CREB5: variants seen among roughly 807,000 people sequenced by gnomAD.
CREB5 encodes cyclic AMP-responsive element-binding protein 5.
Under a neutral mutation model 57.1 loss-of-function variants are expected in CREB5, and 19 were observed. The observed-to-expected ratio is 0.33, with a 90% CI of 0.23 to 0.49. The LOEUF (loss-of-function observed/expected upper bound fraction) is 0.49, where lower values mean the gene tolerates loss of function less well. Among genes scored for constraint, CREB5 ranks in the 20% least tolerant of loss-of-function variants. The pLI, the probability that CREB5 is intolerant of heterozygous loss-of-function variation, is 0.99. For synonymous variants in CREB5, 238 were observed against 238.3 expected (o/e 1.00, Z 0.01); for missense variants, 579 against 671.6 (o/e 0.86, Z 1.52).
At chr7:28,445,517 G>A (rs540470684) in intron 1 of CREB5, among the ~76,000 whole-genome samples, 1 of 151,422 alleles carries the variant, frequency 6.6e-6, no homozygotes, top group African/African-American at 2.4e-5. Context: ...ACTGAAGAGT[G>A]AAAGTGGGTC....
chr7:28,368,669 CA>C (rs1206913005), intron 1 of CREB5, among the ~76,000 whole-genome samples: 10 of 152,198 alleles, frequency 6.6e-5, no homozygotes, highest in African/African-American at 2.2e-4. Flanking sequence ...CCTCAGCTCA[CA>C]TAACATCCCC....
rs528314163 is a variant in CREB5, at chr7:28,375,534, G to A, written c.-25+76093G>A. Among the ~76,000 whole-genome samples the A allele has an allele frequency of 1.1e-4, 17 of 151,966 alleles. No individual in the cohort carries two copies. In the South Asian group the frequency reaches 3.5e-3, roughly 32 times the overall value. On this transcript the variant is annotated intron_variant, in intron 1 of 9. Coordinates refer to the CREB5 transcript ENST00000396299. ...TCATTGGATTGCTTGTAACACAAAG[G>A]ATAAATGCTTGAGGGGATGGGTACC...
chr7:28,720,126 A>G (rs1802943931), intron 6 of CREB5, among the ~76,000 whole-genome samples: 1 of 152,182 alleles, frequency 6.6e-6, no homozygotes, highest in South Asian at 2.1e-4. Context: ...TCCAGAAGAA[A>G]TATTTCTTTC....
At chr7:28,592,642 T>G (rs1235812280) in intron 5 of CREB5, among the ~76,000 whole-genome samples, 1 of 152,144 alleles carries the variant, frequency 6.6e-6, no homozygotes, top group African/African-American at 2.4e-5. Context: ...CAAACATGCA[T>G]GGATCAGTTA....
intron 7 of CREB5, among the ~76,000 whole-genome samples, chr7:28,750,592 G>A (rs570235285): frequency 9.0e-6 from 1 of 110,642 alleles, no homozygotes; most frequent in Non-Finnish European, 2.0e-5. Context: ...AGCTTAATAC[G>A]AAATATATCA....
chr7:28,434,429 G>C (rs1788858091), intron 1 of CREB5, among the ~76,000 whole-genome samples: 2 of 151,950 alleles, frequency 1.3e-5, no homozygotes, highest in South Asian at 4.1e-4. Context: ...TATCTTAGCA[G>C]CTTCTTTATA....
intron 4 of CREB5, among the ~76,000 whole-genome samples, chr7:28,508,548 C>T (rs750709192): frequency 2.6e-5 from 4 of 152,124 alleles, no homozygotes; most frequent in Admixed American, 1.3e-4. Flanking sequence ...CTGTTCCATC[C>T]GGAAAAGAAA....
intron 1 of CREB5, among the ~76,000 whole-genome samples, chr7:28,461,867 T>C (rs1160145670): frequency 6.6e-6 from 1 of 151,916 alleles, no homozygotes; most frequent in Non-Finnish European, 1.5e-5. Flanking sequence ...TGTAGTTTTA[T>C]ATATATATAT....
Position 28,569,560 on chromosome 7 carries a change from T to C in CREB5, c.292-805T>C, listed in dbSNP as rs1040987934. Among the ~76,000 whole-genome samples, 7 of 152,334 alleles carry C rather than the reference T, an allele frequency of 4.6e-5. No homozygotes were observed. The South Asian group carries it at 1.4e-3, about 32-fold the overall frequency. ...TCCTATAAGTGACTCAGACATCTCA[T>C]GTTCTTTCACTGGTTTATTCATGCT... On this transcript the variant is annotated intron_variant, in intron 4 of 10. Transcript: ENST00000357727.
intron 5 of CREB5, among the ~76,000 whole-genome samples, chr7:28,586,344 G>C (rs1019643711): frequency 6.6e-6 from 1 of 152,182 alleles, no homozygotes; most frequent in African/African-American, 2.4e-5. Flanking sequence ...CAGAGCTCTG[G>C]GAGGGGCCCA....
intron 1 of CREB5, 36 bp from the exon 2 acceptor site, chr7:28,488,139 T>G (rs1791649199): frequency 6.3e-7 from 1 of 1,597,140 alleles, no homozygotes; most frequent in African/African-American, 1.3e-5. Flanking sequence ...TTCATGGATT[T>G]CTTTTTCCTT....
upstream of CREB5, among the ~76,000 whole-genome samples, chr7:28,411,965 G>A (rs945458585): frequency 1.3e-5 from 2 of 152,186 alleles, no homozygotes; most frequent in East Asian, 3.8e-4. Context: ...AAAAAAAATG[G>A]CCCAGTCATG....
intron 7 of CREB5, among the ~76,000 whole-genome samples, chr7:28,800,123 A>G (rs1254157918): frequency 6.6e-6 from 1 of 152,180 alleles, no homozygotes; most frequent in Non-Finnish European, 1.5e-5. Flanking sequence ...ATCATACTCA[A>G]ATTATATCGC....
intron 5 of CREB5, among the ~76,000 whole-genome samples, chr7:28,672,186 A>ACACACAC (rs553407335): frequency 0.012 from 1,638 of 141,856 alleles, 41 homozygotes; most frequent in African/African-American, 0.038. Context: ...AAAAAAAAAA[A>ACACACAC]AAACACACAC....
chr7:28,719,929 A>G (rs1583609935), intron 6 of CREB5, among the ~76,000 whole-genome samples: 1 of 152,284 alleles, frequency 6.6e-6, no homozygotes, highest in African/African-American at 2.4e-5. Context: ...GCGTGGTGGC[A>G]TGAACCTGTA....
upstream of CREB5, among the ~76,000 whole-genome samples, chr7:28,408,214 G>A (rs1266611543): frequency 1.3e-5 from 2 of 152,170 alleles, no homozygotes; most frequent in East Asian, 3.9e-4. Context: ...TGTAGAATGG[G>A]AATAATTATA....
At chr7:28,475,195 T>C (rs1261017901) in intron 1 of CREB5, among the ~76,000 whole-genome samples, 1 of 151,512 alleles carries the variant, frequency 6.6e-6, no homozygotes, top group Non-Finnish European at 1.5e-5. Flanking sequence ...TTGATTATAT[T>C]ATGACTTCCT....
At chr7:28,370,889 G>A (rs10237021) in intron 1 of CREB5, among the ~76,000 whole-genome samples, 125,335 of 152,240 alleles carry the variant, frequency 0.82, 51,935 homozygotes, top group East Asian at 1. Flanking sequence ...CTGGTGGCAA[G>A]GAGAGGCATT....
At chr7:28,426,646 C>G (rs1788522913) in intron 1 of CREB5, among the ~76,000 whole-genome samples, 1 of 152,240 alleles carries the variant, frequency 6.6e-6, no homozygotes, top group Admixed American at 6.5e-5. Flanking sequence ...AGGCCCATCT[C>G]AGTCATCATC....
Sources: gnomAD v4.1 joint callset for allele counts (sites outside exome capture counted in the v4.1 genomes callset) on GRCh38, gnomAD v4.1.1 for gene constraint, MANE v1.5 for transcripts, NCBI Gene and HGNC (gene_info 2026-07-23, HGNC 2026-07-21) for gene names.